GRM3: variants seen among roughly 807,000 people sequenced by gnomAD.
GRM3 encodes glutamate metabotropic receptor 3.
A neutral mutation model predicts 70.5 loss-of-function variants in GRM3; 26 were observed. The observed-to-expected ratio is 0.37, with a 90% CI of 0.27 to 0.51. The LOEUF (loss-of-function observed/expected upper bound fraction) is 0.51. GRM3 is among the 20% of genes least tolerant of loss of function. The probability of loss-of-function intolerance (pLI) is 0.93; values close to 1 mark genes in which losing one functional copy is unlikely to be tolerated. For missense variants in GRM3, 859 were observed against 1,123.8 expected (o/e 0.76, Z 3.37); for synonymous variants, 443 against 434.9 (o/e 1.02, Z -0.23).
intron 1 of GRM3, among the ~76,000 whole-genome samples, chr7:86,745,562 T>C (rs1194239886): frequency 6.6e-6 from 1 of 152,100 alleles, no homozygotes. Context: ...TCACTAAGCC[T>C]CCAATTACAA....
At chr7:86,670,579 T>C (rs1419594285) in intron 1 of GRM3, among the ~76,000 whole-genome samples, 2 of 152,198 alleles carry the variant, frequency 1.3e-5, no homozygotes, top group Non-Finnish European at 2.9e-5. Context: ...ATCCTCATAT[T>C]CACCATCTTG....
chr7:86,843,723 AC>A (rs1798601759), intron 4 of GRM3, among the ~76,000 whole-genome samples: 1 of 152,230 alleles, frequency 6.6e-6, no homozygotes, highest in Non-Finnish European at 1.5e-5. Flanking sequence ...ACTGTTATCA[AC>A]ATAGGCAAGT....
At chr7:86,806,228 T>C (rs1345563399) in intron 3 of GRM3, among the ~76,000 whole-genome samples, 3 of 152,244 alleles carry the variant, frequency 2.0e-5, no homozygotes, top group Admixed American at 6.5e-5. Context: ...TGTGTCTATA[T>C]TGCAGCATGA....
chr7:86,697,776 A>G (rs1794852481), intron 1 of GRM3, among the ~76,000 whole-genome samples: 1 of 152,092 alleles, frequency 6.6e-6, no homozygotes, highest in African/African-American at 2.4e-5. Context: ...ACTCAGCTCT[A>G]AGAGGCAATA....
rs1279630147 is a variant in GRM3 at position 86,864,432 on chromosome 7, A to G, written c.*77A>G. On this transcript the variant is annotated 3_prime_UTR_variant, in exon 6 of 6. Transcript: ENST00000361669. The stretch of plus-strand genomic sequence containing the variant: ...TCACGTGCAGCTCCAGAATATGGAA[A>G]CAGAGCAAAAGAACAACCCTAGTAC... The G allele has an allele frequency of 9.9e-6, 10 of 1,008,606 alleles. No homozygotes were observed. Among genetic ancestry groups the G allele is most frequent in the African/African-American group, 1.6e-5 (1 of 63,442 alleles). The allele number at this position is 1,008,606 out of a possible 1,614,324, so 62.5% of individuals were successfully genotyped here. A position where few individuals can be genotyped will look rare whatever the true frequency, so the allele number is the denominator to read the frequency against.
intron 3 of GRM3, among the ~76,000 whole-genome samples, chr7:86,832,034 T>C (rs1226439842): frequency 6.6e-6 from 1 of 152,158 alleles, no homozygotes; most frequent in Non-Finnish European, 1.5e-5. Context: ...TCTTATTCTT[T>C]CCTATCTTCT....
chr7:86,853,206 G>T (rs772070875), intron 5 of GRM3, among the ~76,000 whole-genome samples: 8 of 152,228 alleles, frequency 5.3e-5, no homozygotes, highest in Middle Eastern at 3.4e-3. Context: ...TCTTAAGAGT[G>T]CATTACATGT....
At chr7:86,660,404 G>T (rs1044146702) in intron 1 of GRM3, among the ~76,000 whole-genome samples, 2 of 151,888 alleles carry the variant, frequency 1.3e-5, no homozygotes, top group African/African-American at 4.8e-5. Flanking sequence ...AACACCACAT[G>T]GGCTCATTGG....
chr7:86,846,139 CTG>C (rs1325659322), intron 4 of GRM3, among the ~76,000 whole-genome samples: 1 of 152,188 alleles, frequency 6.6e-6, no homozygotes, highest in African/African-American at 2.4e-5. Context: ...TTTGTCAACA[CTG>C]TAAACCAATC....
At chr7:86,672,598 GT>G (rs1794199949) in intron 1 of GRM3, among the ~76,000 whole-genome samples, 2 of 151,158 alleles carry the variant, frequency 1.3e-5, no homozygotes, top group South Asian at 4.2e-4. Flanking sequence ...TTTTGTTTTT[GT>G]TTTTGTTTTT....
intron 2 of GRM3, among the ~76,000 whole-genome samples, chr7:86,778,099 C>CA (rs1316510579): frequency 2.0e-5 from 3 of 151,992 alleles, no homozygotes; most frequent in Non-Finnish European, 4.4e-5. Context: ...AAAACAGCCC[C>CA]AAAAAGATAG....
chr7:86,720,162 A>G (rs1350345526), intron 1 of GRM3, among the ~76,000 whole-genome samples: 2 of 152,018 alleles, frequency 1.3e-5, no homozygotes, highest in African/African-American at 4.8e-5. Context: ...ATAAAGTCAA[A>G]TAAGTCAGAA....
chr7:86,785,335 G>A (rs1562862749), intron 2 of GRM3, among the ~76,000 whole-genome samples: 1 of 152,054 alleles, frequency 6.6e-6, no homozygotes, highest in Non-Finnish European at 1.5e-5. Flanking sequence ...AATACTGTAT[G>A]CATAAAATGC....
chr7:86,730,979 C>T (rs1295463724), intron 1 of GRM3, among the ~76,000 whole-genome samples: 1 of 152,062 alleles, frequency 6.6e-6, no homozygotes, highest in East Asian at 1.9e-4. Context: ...GTCTCCTAGC[C>T]CGGCTGTGTT....
In GRM3 at chr7:86,644,609, T is replaced by A; in HGVS notation, c.-404T>A. On this transcript the variant is annotated 5_prime_UTR_variant, in exon 1 of 6. The change abolishes an upstream ATG in the 5' untranslated region. Transcript: ENST00000361669. ...CTCCCCACTGACTCGGATGCCTGGATGTTCTGCCACCGGGCAGTGGTCCAG... is the reference window on the plus strand; with the variant it reads ...CTCCCCACTGACTCGGATGCCTGGAAGTTCTGCCACCGGGCAGTGGTCCAG... 2.3e-6 allele frequency: 1 copy of A among 432,356 alleles called. No individual in the cohort carries two copies. Among genetic ancestry groups the A allele is most frequent in the Non-Finnish European group, 4.6e-6 (1 of 216,760 alleles). The allele number at this position is 432,356 out of a possible 1,614,324, so 26.8% of individuals were successfully genotyped here.
chr7:86,654,495 C>G (rs1298578774), intron 1 of GRM3, among the ~76,000 whole-genome samples: 1 of 152,174 alleles, frequency 6.6e-6, no homozygotes, highest in Non-Finnish European at 1.5e-5. Context: ...CTGTCCCACT[C>G]ACACAGCAGT....
intron 1 of GRM3, among the ~76,000 whole-genome samples, chr7:86,668,445 C>G (rs913968317): frequency 1.3e-5 from 2 of 152,120 alleles, no homozygotes; most frequent in Non-Finnish European, 2.9e-5. Flanking sequence ...TAACCACCCC[C>G]TCTATCCACC....
chr7:86,797,813 G>T (rs984591351), intron 3 of GRM3, among the ~76,000 whole-genome samples: 7 of 152,134 alleles, frequency 4.6e-5, no homozygotes, highest in African/African-American at 1.7e-4. Context: ...AACTCAGAAG[G>T]CCTAGGAGAT....
chr7:86,653,655 C>T (rs974803541), intron 1 of GRM3, among the ~76,000 whole-genome samples: 2 of 151,802 alleles, frequency 1.3e-5, no homozygotes, highest in African/African-American at 4.8e-5. Context: ...CGGAGACTTC[C>T]TCATTTTTAA....
Sources: allele counts gnomAD v4.1 joint callset (sites outside exome capture counted in the v4.1 genomes callset), GRCh38; gene constraint gnomAD v4.1.1; transcripts MANE v1.5; gene names NCBI Gene and HGNC (gene_info 2026-07-23, HGNC 2026-07-21).